The following MDGA2 variants were observed in gnomAD, a reference collection of about 807,000 sequenced individuals.
The protein encoded by MDGA2 is MAM domain containing glycosylphosphatidylinositol anchor 2.
In MDGA2, 40 loss-of-function variants were observed where a neutral mutation model predicts 117.8. The ratio of observed to expected loss-of-function variants is 0.34; its 90% confidence interval spans 0.26 to 0.44. The LOEUF (loss-of-function observed/expected upper bound fraction) is 0.44. Ranked by LOEUF, MDGA2 falls within the 20% of genes least tolerant of loss-of-function variation. The pLI, the probability that MDGA2 is intolerant of heterozygous loss-of-function variation, is 1.00. For missense variants in MDGA2, 1,123 were observed against 1,250.6 expected (o/e 0.90, Z 1.54); for synonymous variants, 452 against 439.0 (o/e 1.03, Z -0.37).
At chr14:47,003,153 G>T (rs1014145226) in intron 8 of MDGA2, among the ~76,000 whole-genome samples, 1 of 152,102 alleles carries the variant, frequency 6.6e-6, no homozygotes, top group Admixed American at 6.6e-5. Context: ...ACTATTTTGA[G>T]ATTCATATGT....
intron 1 of MDGA2, among the ~76,000 whole-genome samples, chr14:47,346,001 G>A (rs1174737083): frequency 6.6e-6 from 1 of 151,942 alleles, no homozygotes; most frequent in Non-Finnish European, 1.5e-5. Flanking sequence ...TAGATAGGAG[G>A]AATGCATTCT....
At chr14:47,361,258 C>A (rs558207092) in intron 1 of MDGA2, among the ~76,000 whole-genome samples, 8 of 107,090 alleles carry the variant, frequency 7.5e-5, no homozygotes, top group South Asian at 6.4e-4. Context: ...CACAAATAAA[C>A]ATCAGAGTGC....
chr14:47,201,750 C>T (rs763011982), intron 3 of MDGA2, among the ~76,000 whole-genome samples: 35 of 152,172 alleles, frequency 2.3e-4, no homozygotes, highest in Admixed American at 4.6e-4. Flanking sequence ...ATTACAAAGA[C>T]AGTTTTTCCT....
At chr14:47,228,987 C>G (rs560529190) in intron 2 of MDGA2, among the ~76,000 whole-genome samples, 115 of 152,150 alleles carry the variant, frequency 7.6e-4, no homozygotes, top group South Asian at 1.5e-3. Context: ...CCAGCATAAA[C>G]TATATTGTTT....
intron 1 of MDGA2, among the ~76,000 whole-genome samples, chr14:47,380,640 A>C (rs1162566156): frequency 6.6e-6 from 1 of 151,898 alleles, no homozygotes; most frequent in East Asian, 1.9e-4. Context: ...CGACACATAG[A>C]CTCTCCCAAG....
At chr14:47,486,063 A>G (rs558932886) in intron 1 of MDGA2, among the ~76,000 whole-genome samples, 1 of 152,286 alleles carries the variant, frequency 6.6e-6, no homozygotes, top group African/African-American at 2.4e-5. Flanking sequence ...AGAATGGTAG[A>G]TCCACGGACA....
intron 3 of MDGA2, among the ~76,000 whole-genome samples, chr14:47,163,271 G>A (rs1883716990): frequency 6.6e-6 from 1 of 152,166 alleles, no homozygotes; most frequent in Non-Finnish European, 1.5e-5. Context: ...TCAGGACAGA[G>A]AACACTTTCC....
At chr14:47,479,214 C>A (rs1355336701) in intron 1 of MDGA2, among the ~76,000 whole-genome samples, 1 of 150,734 alleles carries the variant, frequency 6.6e-6, no homozygotes, top group East Asian at 2.0e-4. Flanking sequence ...CTGAACATAA[C>A]TGCTTAATTT....
intron 8 of MDGA2, among the ~76,000 whole-genome samples, chr14:47,021,653 CAATT>C (rs887752450): frequency 2.0e-5 from 3 of 151,432 alleles, no homozygotes; most frequent in Non-Finnish European, 3.0e-5. Context: ...ATTTCTGAAA[CAATT>C]AATAGAGTAT....
intron 2 of MDGA2, 73 bp from the exon 3 acceptor site, chr14:47,218,268 T>C: frequency 7.8e-7 from 1 of 1,286,756 alleles, no homozygotes; most frequent in South Asian, 1.7e-5. Context: ...CAATCACTCA[T>C]TTGAAGAGTT....
In MDGA2 at chr14:46,999,287, T is replaced by TA. The variant is rs141612486; in HGVS notation, c.1819+35723dup. Among the ~76,000 whole-genome samples, 159 of 151,514 alleles carry TA rather than the reference T, an allele frequency of 1.0e-3. No individual in the cohort carries two copies. The Middle Eastern group carries it at 0.031, about 29-fold the overall frequency. On this transcript the variant is annotated intron_variant, in intron 8 of 16. Coordinates refer to ENST00000399232, the MANE Select transcript of MDGA2 (RefSeq NM_001113498.3). Reference sequence around the variant, plus strand: ...AAAAATGTAATTAAGGTAATAAATTTAAAAAAAAATCTTTTTTTCCAATTC... The same window carrying TA: ...AAAAATGTAATTAAGGTAATAAATTTAAAAAAAAAATCTTTTTTTCCAATTC...
At chr14:47,062,063 T>C (rs1889903309) in intron 6 of MDGA2, among the ~76,000 whole-genome samples, 1 of 152,090 alleles carries the variant, frequency 6.6e-6, no homozygotes, top group Non-Finnish European at 1.5e-5. Flanking sequence ...TGTATCTATA[T>C]GTTGATCAAC....
At chr14:47,323,261 G>C (rs1025095991) in intron 1 of MDGA2, among the ~76,000 whole-genome samples, 12 of 148,228 alleles carry the variant, frequency 8.1e-5, no homozygotes, top group African/African-American at 3.0e-4. Flanking sequence ...TCAAGTACAG[G>C]TATTTTTTAA....
intron 1 of MDGA2, among the ~76,000 whole-genome samples, chr14:47,312,690 T>C (rs1479719220): frequency 2.1e-5 from 2 of 93,556 alleles, no homozygotes; most frequent in Non-Finnish European, 4.7e-5. Flanking sequence ...TTTTTTTTGT[T>C]TTGTTTTGTT....
At chr14:47,342,243 C>A in intron 1 of MDGA2, among the ~76,000 whole-genome samples, 1 of 117,128 alleles carries the variant, frequency 8.5e-6, no homozygotes, top group African/African-American at 3.2e-5. Flanking sequence ...AATTTATGTC[C>A]AGCACAAAAT....
At chr14:47,347,686 G>T (rs1890789498) in intron 1 of MDGA2, among the ~76,000 whole-genome samples, 1 of 152,146 alleles carries the variant, frequency 6.6e-6, no homozygotes, top group African/African-American at 2.4e-5. Flanking sequence ...TGGAGATAAA[G>T]ATTTGGGAAT....
chr14:46,982,734 A>AAAAAAAAAAAAAAAAAAAAAAAT (rs1449356596), intron 8 of MDGA2, among the ~76,000 whole-genome samples: 3 of 130,326 alleles, frequency 2.3e-5, no homozygotes, highest in Non-Finnish European at 3.4e-5. Context: ...AAAAAAAAAA[A>AAAAAAAAAAAAAAAAAAAAAAAT]AATCATGTCA....
chr14:47,374,060 G>A (rs1399885059), intron 1 of MDGA2, among the ~76,000 whole-genome samples: 1 of 151,992 alleles, frequency 6.6e-6, no homozygotes, highest in Non-Finnish European at 1.5e-5. Flanking sequence ...AAATATCTTT[G>A]TTATAAACCT....
intron 1 of MDGA2, among the ~76,000 whole-genome samples, chr14:47,555,100 T>C (rs987014572): frequency 6.6e-6 from 1 of 152,154 alleles, no homozygotes; most frequent in Admixed American, 6.5e-5. Flanking sequence ...ATACAATTCC[T>C]ATTGTGTGTG....
Sources: allele counts gnomAD v4.1 joint callset (sites outside exome capture counted in the v4.1 genomes callset), GRCh38; gene constraint gnomAD v4.1.1; transcripts MANE v1.5; gene names NCBI Gene and HGNC (gene_info 2026-07-23, HGNC 2026-07-21).